XRCC5: variants seen among roughly 807,000 people sequenced by gnomAD.
The protein encoded by XRCC5 is DNA repair protein Ku80.
Under a neutral mutation model 95.7 loss-of-function variants are expected in XRCC5, and 12 were observed. That is an observed-to-expected ratio of 0.13 (90% CI 0.08 to 0.20). The LOEUF (loss-of-function observed/expected upper bound fraction) is 0.20. Ranked by LOEUF, XRCC5 falls within the 10% of genes least tolerant of loss-of-function variation. XRCC5 has a pLI of 1.00. For missense variants in XRCC5, 595 were observed against 873.9 expected (o/e 0.68, Z 4.02); for synonymous variants, 281 against 290.3 (o/e 0.97, Z 0.33).
chr2:216,173,609 G>A (rs754948906), intron 16 of XRCC5, among the ~76,000 whole-genome samples: 4 of 152,194 alleles, frequency 2.6e-5, no homozygotes, highest in Non-Finnish European at 5.9e-5. Flanking sequence ...TAATGCTACA[G>A]TTTGAATAAT....
intron 15 of XRCC5, among the ~76,000 whole-genome samples, chr2:216,160,458 C>G (rs1688931182): frequency 6.6e-6 from 1 of 152,052 alleles, no homozygotes; most frequent in Non-Finnish European, 1.5e-5. Flanking sequence ...AGCTTTTCAA[C>G]TAGTCAAAAT....
intron 19 of XRCC5, among the ~76,000 whole-genome samples, chr2:216,200,663 C>T (rs1689818828): frequency 6.6e-6 from 1 of 152,166 alleles, no homozygotes; most frequent in East Asian, 1.9e-4. Flanking sequence ...ACATAAGCCT[C>T]CCTGGTACCT....
intron 18 of XRCC5, among the ~76,000 whole-genome samples, chr2:216,193,028 G>A (rs193064635): frequency 9.5e-4 from 144 of 152,276 alleles, no homozygotes; most frequent in Non-Finnish European, 1.1e-3. Context: ...TTTGTTGAAT[G>A]GAGCAGCTGT....
Position 216,129,587 on chromosome 2 carries a change from A to G in XRCC5, c.938-1288A>G, listed in dbSNP as rs1420866322. ...ACATTTGGTTTAGGTACCAGTCTTA[A>G]TCATGTGCCATACATTTCCCTGTTA... On this transcript the variant is annotated intron_variant, in intron 8 of 20. Transcript: ENST00000392132. Among the ~76,000 whole-genome samples, 3 of 152,218 alleles carry G rather than the reference A, an allele frequency of 2.0e-5. No homozygotes were observed. In the South Asian group the frequency reaches 6.2e-4, roughly 31 times the overall value.
chr2:216,124,633 C>T (rs1696874897), intron 6 of XRCC5, among the ~76,000 whole-genome samples: 1 of 152,142 alleles, frequency 6.6e-6, no homozygotes, highest in Admixed American at 6.5e-5. Context: ...ATCTACTATT[C>T]GTTGTAAATT....
chr2:216,141,796 T>C (rs193240261), intron 13 of XRCC5, among the ~76,000 whole-genome samples: 28 of 152,214 alleles, frequency 1.8e-4, no homozygotes, highest in African/African-American at 4.6e-4. Flanking sequence ...TTCATGCCTG[T>C]AATCCCAGCA....
At chr2:216,142,324 T>C (rs1226757865) in intron 13 of XRCC5, among the ~76,000 whole-genome samples, 1 of 152,108 alleles carries the variant, frequency 6.6e-6, no homozygotes, top group Admixed American at 6.5e-5. Flanking sequence ...ATTTCATAAT[T>C]AAAGGGAGCA....
intron 4 of XRCC5, 98 bp from the exon 5 acceptor site, chr2:216,118,945 C>T (rs1696751451): frequency 7.8e-7 from 1 of 1,276,214 alleles, no homozygotes; most frequent in Non-Finnish European, 1.1e-6. Context: ...ACTCTAGATC[C>T]ATTTCTAAGC....
Position 216,117,711 on chromosome 2 carries a change from CTGTT to C in XRCC5, c.320-32_320-29del, listed in dbSNP as rs56360715. The stretch of plus-strand genomic sequence containing the variant: ...AGAGTTGCGTGTTCACATGAAGAGA[CTGTT>C]TGGTGATATCCCTATCCTTAACTAG... On this transcript the variant is annotated intron_variant, in intron 3 of 20. Coordinates refer to ENST00000392132, the MANE Select transcript of XRCC5 (RefSeq NM_021141.4). The C allele has an allele frequency of 4.6e-4, 742 of 1,609,754 alleles. 1 individual carries two copies. In the African/African-American group the frequency reaches 8.2e-3, roughly 18 times the overall value.
At chr2:216,164,982 G>A (rs1374867127) in intron 16 of XRCC5, among the ~76,000 whole-genome samples, 1 of 152,164 alleles carries the variant, frequency 6.6e-6, no homozygotes, top group Non-Finnish European at 1.5e-5. Flanking sequence ...GGGATTCAGA[G>A]CAGTCTTGTG....
intron 1 of XRCC5, chr2:216,110,562 G>T (rs1267438619): frequency 6.6e-6 from 1 of 152,208 alleles, no homozygotes; most frequent in Non-Finnish European, 1.5e-5. Context: ...GTATAGAAAT[G>T]AAGAGTTGCT....
chr2:216,156,450 T>C, intron 14 of XRCC5: 1 of 714,994 alleles, frequency 1.4e-6, no homozygotes, highest in Non-Finnish European at 2.6e-6. Context: ...GTCTCTATCG[T>C]ACAGCACTGG....
At chr2:216,195,233 T>C (rs1188773430) in intron 19 of XRCC5, among the ~76,000 whole-genome samples, 1 of 152,152 alleles carries the variant, frequency 6.6e-6, no homozygotes, top group East Asian at 1.9e-4. Flanking sequence ...TAGAGCATGC[T>C]GTTGAACCCC....
chr2:216,166,736 G>C (rs1293471433), intron 16 of XRCC5, among the ~76,000 whole-genome samples: 1 of 152,168 alleles, frequency 6.6e-6, no homozygotes, highest in East Asian at 1.9e-4. Context: ...TAGACAGCAG[G>C]TTCAAGAAGG....
At chr2:216,175,339 A>G in intron 16 of XRCC5, 1 of 465,924 alleles carries the variant, frequency 2.1e-6, no homozygotes, top group Admixed American at 2.5e-5. Context: ...AGCCAAAATT[A>G]CTTGCACCAC....
rs1424065439 is a variant in XRCC5 at position 216,190,136 on chromosome 2, A to G, written c.1835-89A>G. On this transcript the variant is annotated intron_variant, in intron 16 of 20. Transcript: ENST00000392132. Reference sequence around the variant, plus strand: ...TTGCTGACCATGAGGCTTGTGAACTATAATACATACTTATAGGCACAAACA... The same window carrying G: ...TTGCTGACCATGAGGCTTGTGAACTGTAATACATACTTATAGGCACAAACA... 17 of 1,109,522 alleles carry G rather than the reference A, an allele frequency of 1.5e-5. No homozygotes were observed. In the East Asian group the frequency reaches 1.7e-4, roughly 11 times the overall value. 68.7% of individuals were successfully genotyped at this position (1,109,522 alleles called of 1,614,324 possible).
chr2:216,195,392 C>CTTTTCTTTTCT (rs1689700660), intron 19 of XRCC5, among the ~76,000 whole-genome samples: 2 of 48,508 alleles, frequency 4.1e-5, no homozygotes, highest in Admixed American at 6.6e-4. Flanking sequence ...TTTCTTTTCT[C>CTTTTCTTTTCT]TTTCTTTTCT....
chr2:216,187,131 T>C (rs1689507988), intron 16 of XRCC5, among the ~76,000 whole-genome samples: 1 of 152,154 alleles, frequency 6.6e-6, no homozygotes, highest in African/African-American at 2.4e-5. Context: ...CGTAACTGAG[T>C]ATTCCTAGAA....
intron 2 of XRCC5, among the ~76,000 whole-genome samples, chr2:216,115,809 GA>G (rs1696685717): frequency 7.8e-6 from 1 of 128,874 alleles, no homozygotes; most frequent in African/African-American, 2.5e-5. Context: ...ATATTTGTTT[GA>G]TTTTTTTTTT....
Sources: gnomAD v4.1 joint callset for allele counts (sites outside exome capture counted in the v4.1 genomes callset) on GRCh38, gnomAD v4.1.1 for gene constraint, MANE v1.5 for transcripts, NCBI Gene and HGNC (gene_info 2026-07-23, HGNC 2026-07-21) for gene names.